Variants in MAGI2 observed in about 807,000 individuals in gnomAD.
MAGI2 encodes the protein membrane-associated guanylate kinase, WW and PDZ domain-containing protein 2.
MAGI2 carries 35 observed loss-of-function variants against 133.3 expected under a neutral mutation model. The observed-to-expected ratio is 0.26, with a 90% CI of 0.20 to 0.35. The LOEUF is 0.35. Among genes scored for constraint, MAGI2 ranks in the 10% least tolerant of loss-of-function variants. The pLI, the probability that MAGI2 is intolerant of heterozygous loss-of-function variation, is 1.00. For missense variants in MAGI2, 1,636 were observed against 1,863.4 expected, an observed-to-expected ratio of 0.88 and a Z score of 2.25; for synonymous variants, 729 against 710.6, an observed-to-expected ratio of 1.03 and a Z score of -0.41.
intron 15 of MAGI2, among the ~76,000 whole-genome samples, chr7:78,164,222 A>G (rs536130147): frequency 3.9e-5 from 6 of 152,276 alleles, no homozygotes. Flanking sequence ...CTGTAACCAT[A>G]TAGACCTTGC....
chr7:79,222,485 T>G (rs1306996386), intron 1 of MAGI2, among the ~76,000 whole-genome samples: 2 of 152,062 alleles, frequency 1.3e-5, no homozygotes, highest in African/African-American at 4.8e-5. Context: ...ACACCTAGTT[T>G]AACCTTTAAT....
At chr7:78,738,875 G>T (rs1393956905) in intron 2 of MAGI2, among the ~76,000 whole-genome samples, 1 of 152,004 alleles carries the variant, frequency 6.6e-6, no homozygotes, top group Non-Finnish European at 1.5e-5. Flanking sequence ...TAAGAAAGAA[G>T]AAACTACATA....
At chr7:79,180,420 A>C (rs1228694948) in intron 1 of MAGI2, among the ~76,000 whole-genome samples, 1 of 151,988 alleles carries the variant, frequency 6.6e-6, no homozygotes, top group Admixed American at 6.6e-5. Flanking sequence ...GTCACATCTT[A>C]TGTGGATGGC....
At chr7:79,383,463 A>G (rs1340970748) in intron 1 of MAGI2, among the ~76,000 whole-genome samples, 2 of 151,552 alleles carry the variant, frequency 1.3e-5, no homozygotes, top group Non-Finnish European at 3.0e-5. Context: ...AGTCATATGG[A>G]TAAGGACAAA....
At chr7:79,170,857 C>T (rs918106440) in intron 1 of MAGI2, among the ~76,000 whole-genome samples, 1 of 151,994 alleles carries the variant, frequency 6.6e-6, no homozygotes, top group Non-Finnish European at 1.5e-5. Flanking sequence ...ATGAGTTTTA[C>T]TTAAAATGAG....
At chr7:78,862,779 C>A (rs148744093) in intron 2 of MAGI2, among the ~76,000 whole-genome samples, 1 of 152,218 alleles carries the variant, frequency 6.6e-6, no homozygotes, top group Admixed American at 6.5e-5. Flanking sequence ...ACTAACAGGG[C>A]GATTTTGCTA....
chr7:78,667,591 C>A (rs1813771058), intron 2 of MAGI2, among the ~76,000 whole-genome samples: 1 of 135,730 alleles, frequency 7.4e-6, no homozygotes. Flanking sequence ...CTTCCTGTGT[C>A]CATGTGTTCT....
At chr7:79,131,426 A>G (rs1295379817) in intron 1 of MAGI2, among the ~76,000 whole-genome samples, 9 of 152,206 alleles carry the variant, frequency 5.9e-5, no homozygotes, top group African/African-American at 2.2e-4. Context: ...AACCCAGAGG[A>G]CGTGATAAAT....
rs886043298 is a variant in MAGI2 at position 78,521,540 on chromosome 7, C to T, written c.644G>A (p.Arg215Gln). ...PGATPSAEGK[R>Q]KRNKSVSNME... ...GTTGCTCACTGATTTATTCCTCTTC[C>T]GTTTTCCTTCAGCACTTGGAGTGGC... The change falls in exon 4 of 22, where the codon CGG (arginine) becomes CAG (glutamine). Residue 215 changes from arginine to glutamine, a missense_variant. Arg to Gln is a conservative substitution (Grantham distance 43). Coordinates refer to ENST00000354212, the MANE Select transcript of MAGI2 (RefSeq NM_012301.4). 12 of 1,613,962 alleles carry T rather than the reference C, an allele frequency of 7.4e-6. No individual in the cohort carries two copies. The highest frequency in any genetic ancestry group is 3.3e-5 in the Admixed American group (2 of 60,006).
At position 78,505,369 on chromosome 7, in the gene MAGI2, G is replaced by A. The variant is rs138269400; in HGVS notation, c.755-3582C>T. 8.4e-3 allele frequency among the ~76,000 whole-genome samples: 1,279 copies of A among 152,128 alleles called. 49 individuals are homozygous for A. The highest frequency in any genetic ancestry group is 0.074 in the Admixed American group (1,133 of 15,268). ...AGAGGGAAATTATGAATATAATATG[G>A]CCCTTAATGATAGAGTCTCCTAGCT... On this transcript the variant is annotated intron_variant, in intron 4 of 21. Coordinates refer to ENST00000354212, the MANE Select transcript of MAGI2 (RefSeq NM_012301.4).
At chr7:78,313,439 C>A (rs1226654322) in intron 9 of MAGI2, among the ~76,000 whole-genome samples, 1 of 152,072 alleles carries the variant, frequency 6.6e-6, no homozygotes, top group African/African-American at 2.4e-5. Flanking sequence ...AATTCAAATT[C>A]TATCATTGTG....
At chr7:78,109,321 A>G (rs1819090705) in intron 20 of MAGI2, among the ~76,000 whole-genome samples, 1 of 139,884 alleles carries the variant, frequency 7.1e-6, no homozygotes, top group Non-Finnish European at 1.5e-5. Context: ...AAAAAAAAAA[A>G]AAAAAAAAAA....
At chr7:78,452,337 G>A (rs752350000) in intron 6 of MAGI2, among the ~76,000 whole-genome samples, 16 of 151,910 alleles carry the variant, frequency 1.1e-4, no homozygotes, top group South Asian at 4.2e-4. Flanking sequence ...GGTAATAACC[G>A]GGGAAGTGAT....
chr7:78,151,842 C>G (rs1048787405), intron 16 of MAGI2, among the ~76,000 whole-genome samples: 1 of 152,064 alleles, frequency 6.6e-6, no homozygotes, highest in Non-Finnish European at 1.5e-5. Context: ...GGTTTGGGTG[C>G]GGAGTAACTT....
intron 2 of MAGI2, among the ~76,000 whole-genome samples, chr7:78,909,445 CAAAAAA>C (rs1030762637): frequency 6.1e-5 from 8 of 130,934 alleles, no homozygotes; most frequent in African/African-American, 5.7e-5. Flanking sequence ...AAAAAAAAAA[CAAAAAA>C]AATTAGCCAG....
In MAGI2 at chr7:79,279,261, T is replaced by C. The variant is rs1426105138; in HGVS notation, c.301+173759A>G. 1.3e-5 allele frequency among the ~76,000 whole-genome samples: 2 copies of C among 152,134 alleles called. 1 individual carries two copies. Among genetic ancestry groups the C allele is most frequent in the Non-Finnish European group, 2.9e-5 (2 of 68,018 alleles). The stretch of plus-strand genomic sequence containing the variant: ...TCACCTTGCATCTTGAGTATCTTCC[T>C]CATATAGAGCTGTTTTGGTCTGGTT... On this transcript the variant is annotated intron_variant, in intron 1 of 21. Transcript: ENST00000354212.
intron 3 of MAGI2, among the ~76,000 whole-genome samples, chr7:78,598,674 T>C (rs1804872339): frequency 6.6e-6 from 1 of 152,132 alleles, no homozygotes; most frequent in East Asian, 1.9e-4. Flanking sequence ...TTGCTTTGAT[T>C]TGGATAAAAA....
At chr7:78,552,918 A>G (rs969040924) in intron 3 of MAGI2, among the ~76,000 whole-genome samples, 20 of 151,388 alleles carry the variant, frequency 1.3e-4, no homozygotes, top group African/African-American at 4.9e-4. Flanking sequence ...GTAGAACGAG[A>G]ACAAATTGCC....
intron 2 of MAGI2, among the ~76,000 whole-genome samples, chr7:78,981,755 A>G (rs188773846): frequency 2.6e-5 from 4 of 151,990 alleles, no homozygotes; most frequent in Admixed American, 2.6e-4. Flanking sequence ...ATTTGTTTCT[A>G]CAGATAGCTC....
Sources: allele counts gnomAD v4.1 joint callset (sites outside exome capture counted in the v4.1 genomes callset), GRCh38; gene constraint gnomAD v4.1.1; transcripts MANE v1.5; gene names NCBI Gene and HGNC (gene_info 2026-07-23, HGNC 2026-07-21).